The following ARHGAP22 variants were observed in gnomAD, a reference collection of about 807,000 sequenced individuals.
ARHGAP22 encodes Rho GTPase activating protein 22.
ARHGAP22 carries 48 observed loss-of-function variants against 59.1 expected under a neutral mutation model. That is an observed-to-expected ratio of 0.81 (90% CI 0.64 to 1.03). ARHGAP22 has a LOEUF of 1.03. ARHGAP22 is among the 50% of genes least tolerant of loss of function. The pLI is 0.00. For synonymous variants in ARHGAP22, 445 were observed against 416.4 expected (o/e 1.07, Z -0.84); for missense variants, 1,015 against 958.7 (o/e 1.06, Z -0.78).
intron 3 of ARHGAP22, among the ~76,000 whole-genome samples, chr10:48,510,125 G>T (rs936298516): frequency 6.6e-6 from 1 of 152,174 alleles, no homozygotes; most frequent in African/African-American, 2.4e-5. Flanking sequence ...GCACCCCCTC[G>T]TGGGGACAGC....
At chr10:48,459,660 C>T in intron 5 of ARHGAP22, 24 bp downstream of exon 5, 1 of 1,613,488 alleles carries the variant, frequency 6.2e-7, no homozygotes, top group Non-Finnish European at 8.5e-7. Context: ...AATGGCTCCA[C>T]CTTACCCCCG....
At chr10:48,524,929 T>G (rs958346125) in intron 3 of ARHGAP22, among the ~76,000 whole-genome samples, 6 of 152,204 alleles carry the variant, frequency 3.9e-5, no homozygotes, top group Admixed American at 3.9e-4. Flanking sequence ...TAACAGAAAC[T>G]GCTTCACCGG....
chr10:48,586,047 T>C (rs1173636572), intron 1 of ARHGAP22, among the ~76,000 whole-genome samples: 1 of 152,166 alleles, frequency 6.6e-6, no homozygotes. Context: ...CCCTCCTCTC[T>C]GTGGGGTTGG....
At chr10:48,610,785 T>C (rs1432072610) in intron 1 of ARHGAP22, among the ~76,000 whole-genome samples, 3 of 152,024 alleles carry the variant, frequency 2.0e-5, no homozygotes, top group African/African-American at 7.2e-5. Context: ...TGGGCAGAGG[T>C]GGCCAGGACT....
chr10:48,639,847 A>G (rs1233641519), intron 1 of ARHGAP22, among the ~76,000 whole-genome samples: 1 of 147,098 alleles, frequency 6.8e-6, no homozygotes, highest in Admixed American at 6.7e-5. Flanking sequence ...ACTCATATGT[A>G]AAAAAAAAAG....
At chr10:48,612,960 C>A (rs1334508104) in intron 1 of ARHGAP22, among the ~76,000 whole-genome samples, 1 of 152,214 alleles carries the variant, frequency 6.6e-6, no homozygotes, top group African/African-American at 2.4e-5. Flanking sequence ...AAACCCTGGA[C>A]TTTTGGTTAG....
intron 1 of ARHGAP22, among the ~76,000 whole-genome samples, chr10:48,586,629 G>A (rs2059441858): frequency 6.6e-6 from 1 of 152,166 alleles, no homozygotes; most frequent in African/African-American, 2.4e-5. Context: ...ATGCCAATGT[G>A]CCACTTTCCC....
intron 1 of ARHGAP22, among the ~76,000 whole-genome samples, chr10:48,634,513 G>A (rs923827931): frequency 1.2e-4 from 19 of 152,192 alleles, no homozygotes; most frequent in African/African-American, 2.9e-4. Flanking sequence ...AAGAAGAGCC[G>A]CTGACTCAGC....
chr10:48,629,877 C>T (rs1401650029), intron 1 of ARHGAP22, among the ~76,000 whole-genome samples: 2 of 152,110 alleles, frequency 1.3e-5, no homozygotes, highest in Non-Finnish European at 2.9e-5. Flanking sequence ...TTTTTTCCAT[C>T]AATGTTTTGT....
At chr10:48,523,028 C>T (rs751212609) in intron 3 of ARHGAP22, among the ~76,000 whole-genome samples, 1 of 152,250 alleles carries the variant, frequency 6.6e-6, no homozygotes, top group South Asian at 2.1e-4. Context: ...ACATTGATGG[C>T]ACCATTCTCA....
intron 3 of ARHGAP22, among the ~76,000 whole-genome samples, chr10:48,532,179 C>T (rs550594689): frequency 7.9e-5 from 12 of 152,154 alleles, no homozygotes; most frequent in Non-Finnish European, 5.9e-5. Flanking sequence ...CCAGGTTATG[C>T]GAGCTCTCAA....
the ARHGAP22 span, chr10:48,438,840 G>GT: frequency 6.6e-6 from 1 of 152,158 alleles, no homozygotes; most frequent in South Asian, 2.1e-4. Flanking sequence ...CATTATTACT[G>GT]TTTTTGTAAG....
chr10:48,522,067 C>T (rs897619319), intron 3 of ARHGAP22, among the ~76,000 whole-genome samples: 6 of 152,244 alleles, frequency 3.9e-5, no homozygotes, highest in Admixed American at 2.6e-4. Flanking sequence ...AATGAGCCTG[C>T]AGCATTTAAA....
chr10:48,643,450 G>T (rs538644895), intron 1 of ARHGAP22, among the ~76,000 whole-genome samples: 2 of 152,148 alleles, frequency 1.3e-5, no homozygotes, highest in African/African-American at 4.8e-5. Flanking sequence ...CATGTCCTTT[G>T]TAGGGACATG....
At chr10:48,457,600 C>T (rs151205065) in intron 5 of ARHGAP22, among the ~76,000 whole-genome samples, 12 of 152,296 alleles carry the variant, frequency 7.9e-5, no homozygotes, top group African/African-American at 2.9e-4. Context: ...AGGCTGTCCT[C>T]AGAGCTCAGC....
At chr10:48,439,695 C>T in the ARHGAP22 span, among the ~76,000 whole-genome samples, 1 of 152,182 alleles carries the variant, frequency 6.6e-6, no homozygotes, top group Non-Finnish European at 1.5e-5. Context: ...TGTTTCAAAA[C>T]AAGCAAGAGG....
chr10:48,635,370 G>A (rs1053449251), intron 1 of ARHGAP22, among the ~76,000 whole-genome samples: 21 of 152,218 alleles, frequency 1.4e-4, no homozygotes, highest in Admixed American at 9.2e-4. Context: ...TGGGTGCTCC[G>A]TAACTTGTCC....
At chr10:48,494,110 C>T (rs11101342) in intron 3 of ARHGAP22, among the ~76,000 whole-genome samples, 26,889 of 152,202 alleles carry the variant, frequency 0.18, 2,902 homozygotes, top group Middle Eastern at 0.31. Flanking sequence ...AGGCTGGGCA[C>T]GGCACCTGCA....
chr10:48,583,041 C>T lies in ARHGAP22; in HGVS notation c.146G>A (p.Ser49Asn), dbSNP rs528114148. ...GCGCTGCTGCCAGTTCTTCATGATG[C>T]TCCTCTGCTTCTTCAGCCAGCCCGC... is the stretch of plus-strand genomic sequence containing the variant. The part of the protein sequence containing the change: ...LKAGWLKKQR[S>N]IMKNWQQRWF... Residue 49 changes from serine (S) to asparagine (N), a missense_variant, in exon 2 of 10, where the codon AGC becomes AAC. Coordinates refer to ENST00000249601, the MANE Select transcript of ARHGAP22 (RefSeq NM_021226.4). The T allele has an allele frequency of 6.2e-6, 10 of 1,614,276 alleles. No homozygotes were observed. The highest frequency in any genetic ancestry group is 5.5e-5 in the South Asian group (5 of 91,092).
Sources: gnomAD v4.1 joint callset for allele counts (sites outside exome capture counted in the v4.1 genomes callset) on GRCh38, gnomAD v4.1.1 for gene constraint, MANE v1.5 for transcripts, NCBI Gene and HGNC (gene_info 2026-07-23, HGNC 2026-07-21) for gene names.